Variants in TASP1 observed in about 807,000 individuals in gnomAD.
TASP1 encodes the protein taspase 1, also known as threonine aspartase 1.
In TASP1, 16 loss-of-function variants were observed where a neutral mutation model predicts 56.6. The observed-to-expected ratio is 0.28, with a 90% CI of 0.19 to 0.43. The LOEUF is 0.43. TASP1 is among the 20% of genes least tolerant of loss of function. The pLI is 1.00. For missense variants in TASP1, 393 were observed against 511.6 expected (o/e 0.77, Z 2.24); for synonymous variants, 179 against 184.2 (o/e 0.97, Z 0.23).
At chr20:13,381,716 G>A in the TASP1 span, among the ~76,000 whole-genome samples, 1 of 152,124 alleles carries the variant, frequency 6.6e-6, no homozygotes, top group African/African-American at 2.4e-5. Context: ...TCTTTGGAGA[G>A]GGCATCAGTG....
chr20:13,214,519 G>GCACACACACA, the TASP1 span, among the ~76,000 whole-genome samples: 13 of 115,790 alleles, frequency 1.1e-4, no homozygotes, highest in South Asian at 3.3e-4. Context: ...ACAGAGACAG[G>GCACACACACA]CACACACACA....
At chr20:13,149,146 C>T in the TASP1 span, among the ~76,000 whole-genome samples, 1 of 152,180 alleles carries the variant, frequency 6.6e-6, no homozygotes, top group Non-Finnish European at 1.5e-5. Flanking sequence ...CAGAGGGCTA[C>T]ATAAGAGATT....
At chr20:13,192,189 G>C in the TASP1 span, among the ~76,000 whole-genome samples, 1 of 152,192 alleles carries the variant, frequency 6.6e-6, no homozygotes, top group East Asian at 1.9e-4. Flanking sequence ...TGTAAGAAAT[G>C]TTAAAAGTTT....
At chr20:13,550,147 T>C (rs7362093) in intron 8 of TASP1, among the ~76,000 whole-genome samples, 263 of 135,306 alleles carry the variant, frequency 1.9e-3, no homozygotes, top group African/African-American at 3.7e-3. Context: ...TATATACACA[T>C]ACACACACAC....
chr20:13,249,010 A>T, the TASP1 span, among the ~76,000 whole-genome samples: 10 of 152,336 alleles, frequency 6.6e-5, no homozygotes, highest in African/African-American at 2.4e-4. Context: ...GATTGGCTAA[A>T]CATCGTGGGC....
At chr20:13,541,656 T>C (rs1381699412) in intron 8 of TASP1, among the ~76,000 whole-genome samples, 1 of 152,180 alleles carries the variant, frequency 6.6e-6, no homozygotes, top group Non-Finnish European at 1.5e-5. Context: ...AACCTTTGCA[T>C]GTTTTATACA....
At chr20:13,367,618 G>A in the TASP1 span, among the ~76,000 whole-genome samples, 1 of 152,140 alleles carries the variant, frequency 6.6e-6, no homozygotes, top group African/African-American at 2.4e-5. Context: ...AAAGATGCAT[G>A]GCTTATGTAA....
chr20:13,486,906 T>C lies in TASP1; in HGVS notation c.875-3569A>G, dbSNP rs573108425. Among the ~76,000 whole-genome samples, 49 of 152,298 alleles carry C rather than the reference T, an allele frequency of 3.2e-4. 1 individual carries two copies. The highest frequency in any genetic ancestry group is 2.9e-3 in the Admixed American group (44 of 15,290). The stretch of plus-strand genomic sequence containing the variant: ...CTTAATGATGAAACGCTGAATTGTT[T>C]CTCCCTAGGATCAGAAACAGGGCAA... On this transcript the variant is annotated intron_variant, in intron 10 of 13. Coordinates refer to ENST00000337743, the MANE Select transcript of TASP1 (RefSeq NM_017714.3).
chr20:13,548,897 T>A (rs1346690521), intron 8 of TASP1, among the ~76,000 whole-genome samples: 2 of 152,276 alleles, frequency 1.3e-5, no homozygotes, highest in Admixed American at 1.3e-4. Flanking sequence ...AAGCAGAACC[T>A]AAGAATCTGT....
the TASP1 span, among the ~76,000 whole-genome samples, chr20:13,252,461 G>A: frequency 4.6e-5 from 7 of 152,198 alleles, no homozygotes; most frequent in African/African-American, 1.2e-4. Context: ...ATAAAGGGGC[G>A]CCATCTTGGC....
intron 12 of TASP1, among the ~76,000 whole-genome samples, chr20:13,429,062 C>CTG (rs1400440621): frequency 1.3e-5 from 2 of 152,202 alleles, no homozygotes; most frequent in Non-Finnish European, 2.9e-5. Context: ...TCTATAGCCC[C>CTG]TGTGTGTGTC....
At chr20:13,368,921 A>G in the TASP1 span, among the ~76,000 whole-genome samples, 1 of 152,214 alleles carries the variant, frequency 6.6e-6, no homozygotes, top group African/African-American at 2.4e-5. Flanking sequence ...CTATGGATGT[A>G]GCCTCCAAAA....
At chr20:13,283,984 G>A in the TASP1 span, among the ~76,000 whole-genome samples, 14 of 152,196 alleles carry the variant, frequency 9.2e-5, no homozygotes, top group Admixed American at 7.2e-4. Flanking sequence ...TACGGTGGGA[G>A]CAGACAGATC....
chr20:13,505,850 T>C (rs1474005124), intron 10 of TASP1, among the ~76,000 whole-genome samples: 1 of 151,602 alleles, frequency 6.6e-6, no homozygotes, highest in Non-Finnish European at 1.5e-5. Context: ...TTCAATAAAC[T>C]AGAAAAAGAA....
the TASP1 span, among the ~76,000 whole-genome samples, chr20:13,316,235 T>C: frequency 1.3e-5 from 2 of 151,976 alleles, no homozygotes; most frequent in Admixed American, 1.3e-4. Flanking sequence ...CTGCCAAAAT[T>C]CACACAAGAA....
chr20:13,459,333 T>G (rs892201742), intron 11 of TASP1, among the ~76,000 whole-genome samples: 1 of 152,106 alleles, frequency 6.6e-6, no homozygotes, highest in African/African-American at 2.4e-5. Flanking sequence ...GTTCCCAGAC[T>G]CCAACAACCT....
chr20:13,278,197 C>T, the TASP1 span, among the ~76,000 whole-genome samples: 1 of 152,208 alleles, frequency 6.6e-6, no homozygotes, highest in Non-Finnish European at 1.5e-5. Flanking sequence ...AAACAAGTCT[C>T]TCTACGTTGA....
chr20:13,268,352 CT>C, the TASP1 span, among the ~76,000 whole-genome samples: 2 of 2,430 alleles, frequency 8.2e-4, no homozygotes, highest in African/African-American at 0.011. Context: ...TTCTTCCTCT[CT>C]CTCTCTCTCT....
intron 10 of TASP1, among the ~76,000 whole-genome samples, chr20:13,503,069 A>T (rs1238258329): frequency 1.3e-5 from 2 of 152,072 alleles, no homozygotes; most frequent in African/African-American, 4.8e-5. Context: ...TTCTTGCCCC[A>T]CCCAGAATAC....
Sources: allele counts gnomAD v4.1 joint callset (sites outside exome capture counted in the v4.1 genomes callset), GRCh38; gene constraint gnomAD v4.1.1; transcripts MANE v1.5; gene names NCBI Gene and HGNC (gene_info 2026-07-23, HGNC 2026-07-21).